The following VPS13D variants were observed in gnomAD, a reference collection of about 807,000 sequenced individuals.
The protein encoded by VPS13D is vacuolar protein sorting 13 homolog D.
VPS13D carries 187 observed loss-of-function variants against 461.9 expected under a neutral mutation model. The observed-to-expected ratio is 0.40, with a 90% confidence interval of 0.36 to 0.46. The LOEUF is 0.46. Ranked by LOEUF, VPS13D falls within the 20% of genes least tolerant of loss-of-function variation. The pLI, the probability that VPS13D is intolerant of heterozygous loss-of-function variation, is 0.60. For synonymous variants in VPS13D, 1,951 were observed against 1,986.3 expected (o/e 0.98, Z 0.47); for missense variants, 4,711 against 5,364.9 (o/e 0.88, Z 3.81).
chr1:12,249,134 G>A, intron 5 of VPS13D, 89 bp from the exon 6 acceptor site: 1 of 1,058,124 alleles, frequency 9.5e-7, no homozygotes, highest in African/African-American at 1.6e-5. Flanking sequence ...TTCACCTACA[G>A]CAGTTATCTA....
chr1:12,321,869 C>G lies in VPS13D; in HGVS notation c.7609C>G (p.Gln2537Glu). The change falls in exon 33 of 70, where the codon CAA (glutamine) becomes GAA (glutamate). Residue 2537 changes from glutamine (Q) to glutamate (E), a missense_variant. Physicochemically the swap from Gln to Glu is conservative, Grantham distance 29. Around this residue, in one of 3 missense-constraint regions of VPS13D, gnomAD observed 4,411 missense variants for 4,937.8 expected, o/e 0.89. Coordinates refer to ENST00000620676, the MANE Select transcript of VPS13D (RefSeq NM_015378.4). ...AGCTCTTTCAATTGTGGATCCCGTA[C>G]AAATTCAAATGGAGTTGGTGGGGAA... ...DTALSIVDPV[Q>E]IQMELVGNSS... 1 of 1,613,160 alleles carries G rather than the reference C, an allele frequency of 6.2e-7. No individual in the cohort carries two copies. Among genetic ancestry groups the G allele is most frequent in the Non-Finnish European group, 8.5e-7 (1 of 1,179,660 alleles).
At chr1:12,355,665 G>A (rs1028136493) in intron 47 of VPS13D, among the ~76,000 whole-genome samples, 7 of 151,928 alleles carry the variant, frequency 4.6e-5, no homozygotes, top group African/African-American at 7.3e-5. Flanking sequence ...TATGGGTTAG[G>A]ATATCTAACC....
chr1:12,432,095 T>G (rs1302754800), intron 65 of VPS13D, among the ~76,000 whole-genome samples: 1 of 152,066 alleles, frequency 6.6e-6, no homozygotes, highest in East Asian at 1.9e-4. Context: ...CTAAAGGCTG[T>G]GTGAAAGAAA....
At chr1:12,415,023 A>G in intron 63 of VPS13D, 64 bp from the exon 64 acceptor site, 1 of 1,577,494 alleles carries the variant, frequency 6.3e-7, no homozygotes, top group Non-Finnish European at 8.7e-7. Context: ...GGAATCTAGA[A>G]TTATAGTATC....
chr1:12,356,591 A>G, intron 49 of VPS13D, 67 bp downstream of exon 49: 3 of 1,563,508 alleles, frequency 1.9e-6, no homozygotes, highest in Non-Finnish European at 2.6e-6. Context: ...AGTAAAGGCT[A>G]TAATATATCC....
At chr1:12,268,249 C>CTTT (rs35267390) in intron 15 of VPS13D, among the ~76,000 whole-genome samples, 12 of 100,620 alleles carry the variant, frequency 1.2e-4, no homozygotes, top group East Asian at 2.8e-4. Flanking sequence ...CATGCCTGAG[C>CTTT]TTTTTTTTTT....
At chr1:12,357,581 C>A (rs1407691177) in intron 49 of VPS13D, among the ~76,000 whole-genome samples, 1 of 152,166 alleles carries the variant, frequency 6.6e-6, no homozygotes, top group African/African-American at 2.4e-5. Flanking sequence ...GATGAGGAAA[C>A]AGGCTCAGAG....
intron 18 of VPS13D, 152 bp from the exon 19 acceptor site, chr1:12,275,673 T>C (rs1641588519): frequency 1.4e-6 from 1 of 698,506 alleles, no homozygotes; most frequent in Non-Finnish European, 2.1e-6. Flanking sequence ...ACTTAGAAAA[T>C]GGTAAACAAA....
chr1:12,386,501 A>T (rs1644352822), intron 60 of VPS13D, among the ~76,000 whole-genome samples, 167 bp downstream of exon 60: 1 of 152,218 alleles, frequency 6.6e-6, no homozygotes, highest in Non-Finnish European at 1.5e-5. Context: ...TCGTCTCATT[A>T]ATTTTTCTAC....
At chr1:12,381,922 T>TTTTCTTTTCC (rs71570104) in intron 57 of VPS13D, among the ~76,000 whole-genome samples, 2 of 101,168 alleles carry the variant, frequency 2.0e-5, no homozygotes, top group Non-Finnish European at 4.1e-5. Context: ...CTTTCTTTTC[T>TTTTCTTTTCC]TTTCTTTCTT....
At position 12,299,492 on chromosome 1, in the gene VPS13D, GGGTAT is replaced by G; in HGVS notation, c.6216+110_6216+114del. The G allele has an allele frequency of 7.6e-7, 1 of 1,315,784 alleles. No individual in the cohort carries two copies. The highest frequency in any genetic ancestry group is 1.0e-6 in the Non-Finnish European group (1 of 981,048). The allele number at this position is 1,315,784 out of a possible 1,614,324, so 81.5% of individuals were successfully genotyped here. A position where few individuals can be genotyped will look rare whatever the true frequency, so the allele number is the denominator to read the frequency against. On this transcript the variant is annotated intron_variant, in intron 25 of 69. Coordinates refer to ENST00000620676, the MANE Select transcript of VPS13D (RefSeq NM_015378.4). This position sits in a 1 kb window ranked among gnomAD's most constrained non-coding sequence, Gnocchi z 4.2. ...ATCCATAATTGCTATTACTTTTGTA[GGGTAT>G]GTGGCTTGAAGAATTTTTTTTGGCA...
rs1464404055 is a variant in VPS13D, at chr1:12,283,050, T to C, written c.4948T>C (p.Phe1650Leu). Residue 1650 changes from phenylalanine to leucine, a missense_variant, in exon 21 of 70, where the codon TTT (phenylalanine) becomes CTT (leucine). Around this residue, in one of 3 missense-constraint regions of VPS13D, gnomAD observed 4,411 missense variants for 4,937.8 expected, o/e 0.89. Transcript: ENST00000620676. ...QGLVSLKFQDFEVEFSKDHPQ... is the reference protein window; with the variant it reads ...QGLVSLKFQDLEVEFSKDHPQ... ...TCTTGTGAGCTTAAAGTTTCAGGACTTTGAGGTGGAATTCAGTAAAGACCA... is the reference window on the plus strand; with the variant it reads ...TCTTGTGAGCTTAAAGTTTCAGGACCTTGAGGTGGAATTCAGTAAAGACCA... The C allele has an allele frequency of 6.2e-7, 1 of 1,614,042 alleles. No individual in the cohort carries two copies. The highest frequency in any genetic ancestry group is 2.2e-5 in the East Asian group (1 of 44,902).
chr1:12,415,144 C>T lies in VPS13D; in HGVS notation c.12088C>T (p.Leu4030=). The change falls in exon 64 of 70, where the codon CTA becomes TTA. Residue 4030 remains leucine, a synonymous_variant. Transcript: ENST00000620676. ...LIRFEDAVIN[L]DPFTRVHPYE... ...ACGGTTTGAAGACGCTGTGATTAAT[C>T]TAGATCCATTCACTCGGGTACATCC... 1.2e-6 allele frequency: 2 copies of T among 1,614,092 alleles called. No homozygotes were observed. The highest frequency in any genetic ancestry group is 1.3e-5 in the African/African-American group (1 of 75,038).
chr1:12,409,422 T>C, intron 63 of VPS13D, among the ~76,000 whole-genome samples: 1 of 152,170 alleles, frequency 6.6e-6, no homozygotes. Flanking sequence ...GAAAACAGAA[T>C]AGAAATGTCA....
Position 12,349,233 on chromosome 1 carries a change from G to A in VPS13D, c.9290G>A (p.Arg3097Gln), listed in dbSNP as rs781452846. 7 of 1,614,000 alleles carry A rather than the reference G, an allele frequency of 4.3e-6. No homozygotes were observed. Among genetic ancestry groups the A allele is most frequent in the African/African-American group, 1.3e-5 (1 of 74,896 alleles). The change falls in exon 46 of 70, where the codon CGG (arginine) becomes CAG (glutamine). Residue 3097 changes from arginine (R) to glutamine (Q), a missense_variant. This residue lies in a region of VPS13D where 4,411 missense variants were observed against 4,937.8 expected (regional missense o/e 0.89). Transcript: ENST00000620676. ...FAVPLHLTSW[R>Q]LQARPKGLGV... is the part of the protein sequence containing the mutation. ...GTGCCTTTACACCTCACTTCTTGGC[G>A]GCTACAGGCCCGGCCCAAAGGATTG...
intron 54 of VPS13D, 104 bp downstream of exon 54, chr1:12,369,806 A>G (rs1294892989): frequency 1.3e-5 from 13 of 1,012,244 alleles, no homozygotes; most frequent in African/African-American, 3.2e-5. Flanking sequence ...ACAAAGGAAG[A>G]TTCTTTCATT....
At chr1:12,446,690 CT>C (rs1645196346) in intron 65 of VPS13D, among the ~76,000 whole-genome samples, 1 of 152,136 alleles carries the variant, frequency 6.6e-6, no homozygotes, top group South Asian at 2.1e-4. Context: ...CCAGCTCTAA[CT>C]TAGCAAATGT....
Position 12,381,362 on chromosome 1 carries a change from T to G in VPS13D, c.11191-1614T>G, listed in dbSNP as rs1644269483. Among the ~76,000 whole-genome samples the G allele has an allele frequency of 2.0e-5, 3 of 152,222 alleles. No homozygotes were observed. In the South Asian group the frequency reaches 6.2e-4, roughly 31 times the overall value. ...ATATTTAAAAGTTAACAAAGGGGATTTAGACACTCTTTGCCATTGTCTTCT... is the reference window on the plus strand; with the variant it reads ...ATATTTAAAAGTTAACAAAGGGGATGTAGACACTCTTTGCCATTGTCTTCT... On this transcript the variant is annotated intron_variant, in intron 57 of 69. Coordinates refer to ENST00000620676, the MANE Select transcript of VPS13D (RefSeq NM_015378.4).
At chr1:12,477,746 A>G (rs1466878112) in intron 67 of VPS13D, among the ~76,000 whole-genome samples, 1 of 152,210 alleles carries the variant, frequency 6.6e-6, no homozygotes, top group African/African-American at 2.4e-5. Flanking sequence ...ATGCATTCAC[A>G]TACAGCACTC....
Sources: gnomAD v4.1 joint callset for allele counts (sites outside exome capture counted in the v4.1 genomes callset) on GRCh38, gnomAD v4.1.1 for gene constraint, gnomAD v4.1.1 regional missense constraint, Gnocchi (gnomAD v3.1) non-coding constraint, MANE v1.5 for transcripts, NCBI Gene and HGNC (gene_info 2026-07-23, HGNC 2026-07-21) for gene names.